Variants in PNKP observed in about 807,000 individuals in gnomAD.
PNKP encodes the protein polynucleotide kinase 3'-phosphatase.
In PNKP, 82 loss-of-function variants were observed where a neutral mutation model predicts 66.2. That is an observed-to-expected ratio of 1.24 (90% confidence interval 1.04 to 1.49). PNKP has a LOEUF of 1.49. Ranked by LOEUF, PNKP falls within the 40% of genes most tolerant of loss-of-function variation. PNKP has a pLI of 0.00. For synonymous variants in PNKP, 412 were observed against 298.9 expected (o/e 1.38, Z -3.90); for missense variants, 907 against 706.8 (o/e 1.28, Z -3.21).
At position 49,862,190 on chromosome 19, in the gene PNKP, G is replaced by A. The variant is rs1391995905; in HGVS notation, c.1121C>T (p.Pro374Leu). 34 of 1,613,758 alleles carry A rather than the reference G, an allele frequency of 2.1e-5. No individual in the cohort carries two copies. The highest frequency in any genetic ancestry group is 2.5e-5 in the Non-Finnish European group (29 of 1,179,876). Reference sequence around the variant, plus strand: ...CACAGGAACAGGACACTTACCCCCAGGGAATCCCACTGCGACAACCACCTC... The same window carrying A: ...CACAGGAACAGGACACTTACCCCCAAGGAATCCCACTGCGACAACCACCTC... Reference protein sequence around the residue: ...SPEVVVAVGFPGAGKSTFLKK... With the variant: ...SPEVVVAVGFLGAGKSTFLKK... The change falls in exon 12 of 17, where the codon CCT (proline) becomes CTT (leucine). Residue 374 changes from proline to leucine, a missense_variant. By Grantham distance (98) the Pro-to-Leu change is moderately conservative. Coordinates refer to ENST00000322344, the MANE Select transcript of PNKP (RefSeq NM_007254.4).
At position 49,861,887 on chromosome 19, in the gene PNKP, G is replaced by A; in HGVS notation, c.1189-6C>T. ...TGCCAGGAGCCTAGCGTGTCCTGGGGACACGAGAGGTCACAAACAGATCGG... is the reference window on the plus strand; with the variant it reads ...TGCCAGGAGCCTAGCGTGTCCTGGGAACACGAGAGGTCACAAACAGATCGG... On this transcript the variant is annotated splice_polypyrimidine_tract_variant and splice_region_variant and intron_variant, in intron 13 of 16. Coordinates refer to ENST00000322344, the MANE Select transcript of PNKP (RefSeq NM_007254.4). 1 of 1,585,386 alleles carries A rather than the reference G, an allele frequency of 6.3e-7. No individual in the cohort carries two copies.
chr19:49,864,133 G>A (rs201738905), intron 6 of PNKP, 46 bp downstream of exon 6: 182 of 1,608,256 alleles, frequency 1.1e-4, no homozygotes, highest in Admixed American at 4.8e-4. Flanking sequence ...GACTGCGGTC[G>A]GACCGCCACG....
intron 1 of PNKP, 54 bp from the exon 2 acceptor site, chr19:49,867,271 A>G: frequency 6.6e-7 from 1 of 1,513,240 alleles, no homozygotes; most frequent in Non-Finnish European, 8.9e-7. Context: ...TTGCTGCAGG[A>G]AGTCCCGCCT....
chr19:49,865,532 C>A, intron 3 of PNKP, 106 bp from the exon 4 acceptor site: 3 of 731,220 alleles, frequency 4.1e-6, no homozygotes. Context: ...ACTATCAGAC[C>A]CTTAGGCCCC....
In PNKP at chr19:49,862,660, G is replaced by A. The variant is rs544689019; in HGVS notation, c.865+30C>T. On this transcript the variant is annotated intron_variant, in intron 9 of 16. Coordinates refer to ENST00000322344, the MANE Select transcript of PNKP (RefSeq NM_007254.4). ...CACCAGCTCGGAGGGAGGCGTCCCA[G>A]CCCACCCTCAGCAGCCTCCAGGCCC... The A allele has an allele frequency of 1.1e-5, 17 of 1,613,786 alleles. No individual in the cohort carries two copies. In the Middle Eastern group the frequency reaches 4.9e-4, roughly 47 times the overall value.
rs761948305 is a variant in PNKP, at chr19:49,866,419, G to C, written c.178C>G (p.Arg60Gly). The change falls in exon 3 of 17, where the codon CGG becomes GGG. Residue 60 changes from arginine (R) to glycine (G), a missense_variant. Arg to Gly is a moderately radical substitution (Grantham distance 125, BLOSUM62 -2). Coordinates refer to ENST00000322344, the MANE Select transcript of PNKP (RefSeq NM_007254.4). The part of the protein sequence containing the change: ...QVELVADPET[R>G]TVAVKQLGVN... ...GATACCTGTTTCACTGCCACTGTCCGGGTCTCAGGATCTGCGACCAGCTCC... is the reference window on the plus strand; with the variant it reads ...GATACCTGTTTCACTGCCACTGTCCCGGTCTCAGGATCTGCGACCAGCTCC... The C allele has an allele frequency of 4.3e-6, 7 of 1,614,010 alleles. No homozygotes were observed. The Admixed American group carries it at 5.0e-5, about 12-fold the overall frequency.
At chr19:49,863,868 T>C in intron 7 of PNKP, 96 bp downstream of exon 7, 3 of 1,371,102 alleles carry the variant, frequency 2.2e-6, no homozygotes, top group Non-Finnish European at 3.1e-6. Context: ...AGCATCACAC[T>C]GCCTGAGGCC....
At chr19:49,866,930 G>A (rs898310280) in intron 2 of PNKP, 124 bp downstream of exon 2, 1 of 915,320 alleles carries the variant, frequency 1.1e-6, no homozygotes, top group Non-Finnish European at 1.8e-6. Flanking sequence ...GTACTCCCTA[G>A]AGAGCACCTT....
At chr19:49,864,656 TTAA>T (rs1356772249) in intron 4 of PNKP, among the ~76,000 whole-genome samples, 2 of 152,036 alleles carry the variant, frequency 1.3e-5, no homozygotes, top group East Asian at 1.9e-4. Context: ...AAAATGGGGG[TTAA>T]TGTCTTACCC....
chr19:49,864,347 A>C lies in PNKP; in HGVS notation c.555T>G (p.Phe185Leu). 1 of 1,613,958 alleles carries C rather than the reference A, an allele frequency of 6.2e-7. No individual in the cohort carries two copies. Among genetic ancestry groups the C allele is most frequent in the African/African-American group, 1.3e-5 (1 of 75,014 alleles). The change falls in exon 5 of 17, where the codon TTT (phenylalanine) becomes TTG (leucine). Residue 185 changes from phenylalanine (F) to leucine (L), a missense_variant. Coordinates refer to ENST00000322344, the MANE Select transcript of PNKP (RefSeq NM_007254.4). ...TLITTRSGKV[F>L]PTGPSDWRIL... ...ACCTCCAGTCACTGGGGCCAGTGGG[A>C]AAGACCTTCCCAGAGCGTGTGGTGA...
At chr19:49,863,653 G>A (rs770654009) in intron 8 of PNKP, 36 bp downstream of exon 8, 3 of 1,514,358 alleles carry the variant, frequency 2.0e-6, no homozygotes, top group South Asian at 1.2e-5. Flanking sequence ...CTGGAGTGAG[G>A]AAAAGGAGGG....
In PNKP at chr19:49,866,829, C is replaced by T. The variant is rs530835795; in HGVS notation, c.151+225G>A. The T allele has an allele frequency of 5.0e-4, 304 of 611,156 alleles. 1 individual carries two copies. Among genetic ancestry groups the T allele is most frequent in the Admixed American group, 1.7e-3 (61 of 35,774 alleles). The allele number at this position is 611,156 out of a possible 1,614,324, so 37.9% of individuals were successfully genotyped here. On this transcript the variant is annotated intron_variant, in intron 2 of 16. Coordinates refer to ENST00000322344, the MANE Select transcript of PNKP (RefSeq NM_007254.4). ...ATTTCCCGATGGCCTGAGCATCATC[C>T]GCGCAGTGAACATCCTCCCTAAATC...
intron 4 of PNKP, 53 bp from the exon 5 acceptor site, chr19:49,864,456 C>T (rs1357282929): frequency 2.2e-6 from 3 of 1,378,694 alleles, no homozygotes; most frequent in Non-Finnish European, 3.1e-6. Flanking sequence ...TCTGACCCTC[C>T]TCACTCACAG....
intron 10 of PNKP, 33 bp downstream of exon 10, chr19:49,862,505 G>C: frequency 6.2e-7 from 1 of 1,600,332 alleles, no homozygotes; most frequent in South Asian, 1.1e-5. Context: ...CCAGGGTCGG[G>C]CTCGGGCGCG....
intron 16 of PNKP, 29 bp from the exon 17 acceptor site, chr19:49,861,394 G>A (rs764699646): frequency 1.9e-4 from 302 of 1,613,764 alleles, no homozygotes; most frequent in Non-Finnish European, 2.5e-4. Flanking sequence ...GTGAGGGACA[G>A]CCTGGATCAT....
chr19:49,867,237 G>T lies in PNKP; in HGVS notation c.-13-20C>A. 1 of 1,589,886 alleles carries T rather than the reference G, an allele frequency of 6.3e-7. No homozygotes were observed. Among genetic ancestry groups the T allele is most frequent in the Non-Finnish European group, 8.6e-7 (1 of 1,168,212 alleles). ...GCCGGCCTGGGGAGCAGGTAAACGG[G>T]CTTGAGCGGCGCACAGCCCCAATTT... On this transcript the variant is annotated intron_variant, in intron 1 of 16. Coordinates refer to ENST00000322344, the MANE Select transcript of PNKP (RefSeq NM_007254.4).
rs1210924094 is a variant in PNKP at position 49,862,428 on chromosome 19, A to C, written c.972T>G (p.Pro324=). The C allele has an allele frequency of 6.3e-7, 1 of 1,580,790 alleles. No individual in the cohort carries two copies. Among genetic ancestry groups the C allele is most frequent in the Admixed American group, 1.8e-5 (1 of 54,942 alleles). The change falls in exon 11 of 17, where the codon CCT becomes CCG. Residue 324 remains proline, a synonymous_variant. Coordinates refer to ENST00000322344, the MANE Select transcript of PNKP (RefSeq NM_007254.4). ...ALNLGLPFAT[P]EEFFLKWPAA... is the part of the protein sequence containing the mutation. The stretch of plus-strand genomic sequence containing the variant: ...CTGGCCACTTGAGAAAGAACTCCTC[A>C]GGCGTGGCGAAGGGCAGGCCAAGGT...
Position 49,861,792 on chromosome 19 carries a change from T to C in PNKP, c.1278A>G (p.Pro426=), listed in dbSNP as rs373524398. ...GKRVAIDNTN[P]DAASRARYVQ... The stretch of plus-strand genomic sequence containing the variant: ...GCTACCTGGCGCGGCTCGCGGCGTC[T>C]GGGTTTGTGTTGTCGATGGCGACCC... Residue 426 remains proline (P), a synonymous_variant, in exon 14 of 17, where the codon CCA becomes CCG. Transcript: ENST00000322344. 6.4e-6 allele frequency: 10 copies of C among 1,570,810 alleles called. No individual in the cohort carries two copies. Among genetic ancestry groups the C allele is most frequent in the African/African-American group, 2.7e-5 (2 of 73,384 alleles).
rs765575612 is a variant in PNKP, at chr19:49,861,799, G to C, written c.1271C>G (p.Thr424Arg). 6.4e-7 allele frequency: 1 copy of C among 1,574,192 alleles called. No homozygotes were observed. Among genetic ancestry groups the C allele is most frequent in the Non-Finnish European group, 8.6e-7 (1 of 1,163,240 alleles). ...GGCGCGGCTCGCGGCGTCTGGGTTTGTGTTGTCGATGGCGACCCGTTTCCC... is the reference window on the plus strand; with the variant it reads ...GGCGCGGCTCGCGGCGTCTGGGTTTCTGTTGTCGATGGCGACCCGTTTCCC... ...KQGKRVAIDNTNPDAASRARY... is the reference protein window; with the variant it reads ...KQGKRVAIDNRNPDAASRARY... The change falls in exon 14 of 17, where the codon ACA becomes AGA. Residue 424 changes from threonine (T) to arginine (R), a missense_variant. Thr to Arg is a moderately conservative substitution (Grantham distance 71, BLOSUM62 -1). Transcript: ENST00000322344.
Sources: allele counts gnomAD v4.1 joint callset (sites outside exome capture counted in the v4.1 genomes callset), GRCh38; gene constraint gnomAD v4.1.1; transcripts MANE v1.5; gene names NCBI Gene and HGNC (gene_info 2026-07-23, HGNC 2026-07-21).